IL1RAPL1: variants seen among roughly 807,000 people sequenced by gnomAD.
IL1RAPL1 encodes the protein interleukin-1 receptor accessory protein-like 1.
In IL1RAPL1, 3 loss-of-function variants were observed where a neutral mutation model predicts 48.4. The ratio of observed to expected loss-of-function variants is 0.06; its 90% CI spans 0.03 to 0.16. IL1RAPL1 has a LOEUF of 0.16. Ranked by LOEUF, IL1RAPL1 falls within the 10% of genes least tolerant of loss-of-function variation. The pLI, the probability that IL1RAPL1 is intolerant of heterozygous loss-of-function variation, is 1.00. For missense variants in IL1RAPL1, 349 were observed against 530.6 expected (o/e 0.66, Z 3.36); for synonymous variants, 185 against 187.7 (o/e 0.99, Z 0.12).
At chrX:28,777,604 T>A (rs181963137) in intron 1 of IL1RAPL1, among the ~76,000 whole-genome samples, 35 of 111,867 alleles carry the variant, frequency 3.1e-4, no homozygotes, top group Middle Eastern at 4.6e-3. Context: ...GTGGTCATGT[T>A]CTCGCTGAGT....
chrX:28,912,897 T>C (rs1279981068), intron 2 of IL1RAPL1, among the ~76,000 whole-genome samples: 1 of 111,914 alleles, frequency 8.9e-6, no homozygotes, highest in Non-Finnish European at 1.9e-5. Flanking sequence ...TTTATGGTTG[T>C]TTTGTCATCC....
chrX:29,652,608 G>A (rs1925554453), intron 5 of IL1RAPL1, among the ~76,000 whole-genome samples: 1 of 111,457 alleles, frequency 9.0e-6, no homozygotes, highest in South Asian at 3.7e-4. Context: ...AATTCAATTC[G>A]GATCACATTA....
chrX:29,132,547 G>A (rs1602072132), intron 2 of IL1RAPL1, among the ~76,000 whole-genome samples: 1 of 112,030 alleles, frequency 8.9e-6, no homozygotes, highest in African/African-American at 3.2e-5. Flanking sequence ...ATCTAGGTTT[G>A]TGTAAGTAGG....
chrX:29,271,569 A>AAAT (rs1390531232), intron 2 of IL1RAPL1, among the ~76,000 whole-genome samples: 1 of 112,227 alleles, frequency 8.9e-6, no homozygotes, highest in East Asian at 2.8e-4. Context: ...GACTGGTGTG[A>AAAT]AATAATATCT....
chrX:28,728,061 A>C (rs1314064944), intron 1 of IL1RAPL1, among the ~76,000 whole-genome samples: 1 of 111,416 alleles, frequency 9.0e-6, no homozygotes, highest in South Asian at 3.7e-4. Context: ...CCTAAAACTT[A>C]AAGTATAATA....
At chrX:29,840,112 G>A (rs931042149) in intron 6 of IL1RAPL1, among the ~76,000 whole-genome samples, 1 of 111,687 alleles carries the variant, frequency 9.0e-6, no homozygotes, top group Non-Finnish European at 1.9e-5. Context: ...CCAAAGTGTC[G>A]ATTATGGCCA....
At chrX:28,862,885 C>T (rs1921980128) in intron 2 of IL1RAPL1, among the ~76,000 whole-genome samples, 1 of 83,163 alleles carries the variant, frequency 1.2e-5, no homozygotes, top group East Asian at 4.8e-4. Context: ...GAAATTATGC[C>T]ATTTTTTTTT....
At chrX:29,006,244 G>A (rs989734093) in intron 2 of IL1RAPL1, among the ~76,000 whole-genome samples, 2 of 111,141 alleles carry the variant, frequency 1.8e-5, no homozygotes, top group African/African-American at 6.6e-5. Context: ...CTGGAGAACA[G>A]ATTTACCACA....
chrX:28,914,830 A>G (rs1358943921), intron 2 of IL1RAPL1, among the ~76,000 whole-genome samples: 1 of 112,592 alleles, frequency 8.9e-6, no homozygotes, highest in Non-Finnish European at 1.9e-5. Context: ...TGAACTTTCC[A>G]TTAATAAAAA....
At chrX:28,621,002 G>A (rs1213480584) in intron 1 of IL1RAPL1, among the ~76,000 whole-genome samples, 1 of 111,361 alleles carries the variant, frequency 9.0e-6, no homozygotes, top group Non-Finnish European at 1.9e-5. Flanking sequence ...CTTCACATTG[G>A]CTGTCCCTTG....
At chrX:29,887,954 A>C (rs1408587722) in intron 6 of IL1RAPL1, among the ~76,000 whole-genome samples, 1 of 111,429 alleles carries the variant, frequency 9.0e-6, no homozygotes, top group Non-Finnish European at 1.9e-5. Flanking sequence ...GAATTTAATA[A>C]TCAACTAATA....
At chrX:29,059,656 G>A (rs1332384705) in intron 2 of IL1RAPL1, among the ~76,000 whole-genome samples, 1 of 111,673 alleles carries the variant, frequency 9.0e-6, no homozygotes, top group Non-Finnish European at 1.9e-5. Context: ...AAAGAATAAT[G>A]CTGGGAAGTC....
chrX:29,195,708 C>A (rs765803196), intron 2 of IL1RAPL1, among the ~76,000 whole-genome samples: 1 of 109,270 alleles, frequency 9.2e-6, no homozygotes, highest in African/African-American at 3.3e-5. Context: ...TACAGACATG[C>A]GCTACCACGA....
chrX:28,919,393 A>G (rs1413725782), intron 2 of IL1RAPL1, among the ~76,000 whole-genome samples: 1 of 111,859 alleles, frequency 8.9e-6, no homozygotes, highest in Non-Finnish European at 1.9e-5. Context: ...CTCTTCTCCC[A>G]TAAAATTAAC....
At chrX:29,802,404 A>T (rs767272721) in intron 6 of IL1RAPL1, among the ~76,000 whole-genome samples, 4 of 110,790 alleles carry the variant, frequency 3.6e-5, no homozygotes, top group Non-Finnish European at 7.6e-5. Flanking sequence ...GTTTTTAAAA[A>T]TTTCATTTTG....
intron 6 of IL1RAPL1, among the ~76,000 whole-genome samples, chrX:29,838,452 A>G (rs1291975667): frequency 1.8e-5 from 2 of 112,093 alleles, no homozygotes; most frequent in Non-Finnish European, 3.8e-5. Flanking sequence ...TTATGTGTGT[A>G]AATTTGGATC....
At chrX:28,997,856 T>C (rs915163509) in intron 2 of IL1RAPL1, among the ~76,000 whole-genome samples, 3 of 111,349 alleles carry the variant, frequency 2.7e-5, no homozygotes, top group Non-Finnish European at 5.7e-5. Context: ...TATTCACATA[T>C]TCACTTTTAA....
chrX:28,883,609 T>G (rs1922557529), intron 2 of IL1RAPL1, among the ~76,000 whole-genome samples: 1 of 112,177 alleles, frequency 8.9e-6, no homozygotes, highest in Non-Finnish European at 1.9e-5. Context: ...AGTAGAAACT[T>G]TCAAACCAAC....
At chrX:29,269,923 C>A (rs774971740) in intron 2 of IL1RAPL1, among the ~76,000 whole-genome samples, 4 of 111,233 alleles carry the variant, frequency 3.6e-5, no homozygotes, top group Non-Finnish European at 7.6e-5. Context: ...GTAATGCTCT[C>A]TCCCTTTCGT....
Sources: allele counts gnomAD v4.1 joint callset (sites outside exome capture counted in the v4.1 genomes callset), GRCh38; gene constraint gnomAD v4.1.1; transcripts MANE v1.5; gene names NCBI Gene and HGNC (gene_info 2026-07-23, HGNC 2026-07-21).